DLGAP2: variants seen among roughly 807,000 people sequenced by gnomAD.
DLGAP2 encodes DLG associated protein 2.
DLGAP2 carries 26 observed loss-of-function variants against 100.3 expected under a neutral mutation model. The ratio of observed to expected loss-of-function variants is 0.26; its 90% CI spans 0.19 to 0.36. The LOEUF is 0.36. Ranked by LOEUF, DLGAP2 falls within the 10% of genes least tolerant of loss-of-function variation. DLGAP2 has a pLI of 1.00. For missense variants in DLGAP2, 1,858 were observed against 1,453.2 expected (o/e 1.28, Z -4.53); for synonymous variants, 886 against 630.1 (o/e 1.41, Z -6.08).
intron 1 of DLGAP2, among the ~76,000 whole-genome samples, chr8:764,219 A>G (rs1821154520): frequency 6.6e-6 from 1 of 152,230 alleles, no homozygotes; most frequent in Admixed American, 6.5e-5. Context: ...GAAGAGTCAC[A>G]GGCGTGGATT....
chr8:1,613,468 A>G (rs2956959), intron 6 of DLGAP2, among the ~76,000 whole-genome samples: 40,778 of 151,184 alleles, frequency 0.27, 6,507 homozygotes, highest in East Asian at 0.5. Context: ...GGTGCAGCGC[A>G]CCAGCATGGC....
At chr8:1,299,487 G>C (rs1457659797) in intron 3 of DLGAP2, among the ~76,000 whole-genome samples, 1 of 152,218 alleles carries the variant, frequency 6.6e-6, no homozygotes, top group Non-Finnish European at 1.5e-5. Flanking sequence ...AGGAATGCCA[G>C]GTTGCATGAG....
chr8:903,578 C>T (rs957763835), intron 1 of DLGAP2, among the ~76,000 whole-genome samples: 6 of 152,128 alleles, frequency 3.9e-5, no homozygotes, highest in African/African-American at 1.4e-4. Context: ...GTTTCTACTG[C>T]TGGACCCCTG....
At chr8:1,186,096 C>G (rs564174528) in intron 2 of DLGAP2, among the ~76,000 whole-genome samples, 20 of 152,320 alleles carry the variant, frequency 1.3e-4, no homozygotes, top group African/African-American at 4.1e-4. Context: ...CGGGCCACCT[C>G]CCCACTCGGT....
At chr8:807,911 G>T (rs1464958266) in intron 1 of DLGAP2, among the ~76,000 whole-genome samples, 1 of 152,230 alleles carries the variant, frequency 6.6e-6, no homozygotes, top group Admixed American at 6.5e-5. Flanking sequence ...AGGGGAGAAG[G>T]TTGGCGGGGA....
At position 1,627,151 on chromosome 8, in the gene DLGAP2, T is replaced by C. The variant is rs1018809501; in HGVS notation, c.1590+264T>C. On this transcript the variant is annotated intron_variant, in intron 7 of 14. Transcript: ENST00000637795. ...GCAATGACCAAAAGGGTGGTCATCC[T>C]GGCCTCTCTTGTTGATAAAGCACAG... 3.3e-5 allele frequency among the ~76,000 whole-genome samples: 5 copies of C among 152,260 alleles called. No homozygotes were observed. In the South Asian group the frequency reaches 1.0e-3, roughly 31 times the overall value.
At chr8:1,657,011 G>A (rs1052417023) in intron 8 of DLGAP2, among the ~76,000 whole-genome samples, 2 of 152,104 alleles carry the variant, frequency 1.3e-5, no homozygotes, top group Non-Finnish European at 2.9e-5. Flanking sequence ...AATCATCAGG[G>A]ATTTTATAGT....
chr8:1,208,788 G>C (rs11136361), intron 2 of DLGAP2, among the ~76,000 whole-genome samples: 26,060 of 151,690 alleles, frequency 0.17, 2,502 homozygotes, highest in East Asian at 0.29. Flanking sequence ...ACACAAATTA[G>C]TAGCACTCCT....
intron 2 of DLGAP2, among the ~76,000 whole-genome samples, chr8:1,232,217 G>A (rs1798550036): frequency 6.6e-6 from 1 of 152,220 alleles, no homozygotes; most frequent in Non-Finnish European, 1.5e-5. Flanking sequence ...ACTTGCCGGG[G>A]TCATCAGCCA....
intron 2 of DLGAP2, among the ~76,000 whole-genome samples, chr8:1,081,873 G>A (rs777629180): frequency 7.9e-5 from 12 of 152,152 alleles, no homozygotes; most frequent in Non-Finnish European, 1.5e-4. Context: ...CTCCAGCAGC[G>A]AGTGGATGCC....
intron 2 of DLGAP2, among the ~76,000 whole-genome samples, chr8:988,663 A>G (rs955530870): frequency 9.2e-5 from 14 of 151,760 alleles, no homozygotes; most frequent in Non-Finnish European, 1.8e-4. Context: ...CCTGGCCGTG[A>G]TTTGCCGTGG....
chr8:1,098,702 C>T (rs1428042541), intron 2 of DLGAP2, among the ~76,000 whole-genome samples: 2 of 130,256 alleles, frequency 1.5e-5, no homozygotes, highest in South Asian at 2.5e-4. Context: ...GCCACCCACG[C>T]CAGGCTCCCG....
chr8:1,025,991 G>A (rs907984668), intron 2 of DLGAP2, among the ~76,000 whole-genome samples: 3 of 152,242 alleles, frequency 2.0e-5, no homozygotes, highest in East Asian at 3.8e-4. Flanking sequence ...CTGAGACGGT[G>A]CCCTGAAGCT....
chr8:1,599,394 C>G (rs142924899), intron 6 of DLGAP2, among the ~76,000 whole-genome samples: 243 of 152,246 alleles, frequency 1.6e-3, no homozygotes, highest in African/African-American at 5.5e-3. Flanking sequence ...TGGTCCAGAG[C>G]TGAATTGAAG....
At chr8:917,674 A>G (rs1194128481) in intron 2 of DLGAP2, among the ~76,000 whole-genome samples, 1 of 152,236 alleles carries the variant, frequency 6.6e-6, no homozygotes, top group East Asian at 1.9e-4. Flanking sequence ...TCCACCTCCC[A>G]GGTTCAAATC....
At chr8:1,582,718 C>T (rs6558483) in intron 6 of DLGAP2, among the ~76,000 whole-genome samples, 87,195 of 151,944 alleles carry the variant, frequency 0.57, 25,943 homozygotes, top group African/African-American at 0.75. Flanking sequence ...GCCTCCCGAG[C>T]AGCTGGGATT....
intron 6 of DLGAP2, among the ~76,000 whole-genome samples, chr8:1,581,354 A>C (rs183853468): frequency 5.3e-5 from 8 of 151,164 alleles, no homozygotes; most frequent in African/African-American, 2.0e-4. Flanking sequence ...ACAAAACTCC[A>C]CACATATACA....
intron 8 of DLGAP2, among the ~76,000 whole-genome samples, chr8:1,654,218 A>T (rs898889607): frequency 3.3e-5 from 5 of 152,236 alleles, no homozygotes; most frequent in Non-Finnish European, 7.3e-5. Context: ...GACTGTGAAG[A>T]TGTGTAACAA....
At chr8:773,109 G>A (rs1226577982) in intron 1 of DLGAP2, among the ~76,000 whole-genome samples, 5 of 152,184 alleles carry the variant, frequency 3.3e-5, no homozygotes, top group Non-Finnish European at 7.3e-5. Flanking sequence ...AGCCTGGGAG[G>A]CCTGAACAGC....
Sources: allele counts gnomAD v4.1 joint callset (sites outside exome capture counted in the v4.1 genomes callset), GRCh38; gene constraint gnomAD v4.1.1; transcripts MANE v1.5; gene names NCBI Gene and HGNC (gene_info 2026-07-23, HGNC 2026-07-21).